The following ACTN2 variants were observed in gnomAD, a reference collection of about 807,000 sequenced individuals.
ACTN2 encodes the protein alpha-actinin-2.
A neutral mutation model predicts 113.8 loss-of-function variants in ACTN2; 39 were observed. That is an observed-to-expected ratio of 0.34 (90% confidence interval 0.27 to 0.45). The LOEUF (loss-of-function observed/expected upper bound fraction) is 0.45. ACTN2 is among the 20% of genes least tolerant of loss of function. ACTN2 has a pLI of 1.00. For missense variants in ACTN2, 992 were observed against 1,177.9 expected, an observed-to-expected ratio of 0.84 and a Z score of 2.31; for synonymous variants, 429 against 444.1, an observed-to-expected ratio of 0.97 and a Z score of 0.43.
At chr1:236,737,297 G>GTATGTATATATATATATATATATATA in intron 9 of ACTN2, 83 bp downstream of exon 9, 6 of 322,240 alleles carry the variant, frequency 1.9e-5, no homozygotes, top group East Asian at 5.8e-5. Flanking sequence ...CTCCGTGGGG[G>GTATGTATATATATATATATATATATA]CATATATATA....
intron 14 of ACTN2, among the ~76,000 whole-genome samples, chr1:236,751,076 C>A (rs182807472): frequency 9.2e-6 from 1 of 108,510 alleles, no homozygotes; most frequent in Non-Finnish European, 1.7e-5. Context: ...AGTGACCTAG[C>A]GAGACCCTGT....
At chr1:236,707,066 A>G (rs1657846422) in intron 1 of ACTN2, among the ~76,000 whole-genome samples, 1 of 152,258 alleles carries the variant, frequency 6.6e-6, no homozygotes, top group Non-Finnish European at 1.5e-5. Flanking sequence ...GACATGGTGT[A>G]TTATGAACCA....
rs1665873954 is a variant in ACTN2 at position 236,686,587 on chromosome 1, G to A, written c.-87G>A. 4 of 1,379,642 alleles carry A rather than the reference G, an allele frequency of 2.9e-6. No homozygotes were observed. The highest frequency in any genetic ancestry group is 3.7e-5 in the Admixed American group (1 of 27,280). 85.5% of individuals were successfully genotyped at this position (1,379,642 alleles called of 1,614,324 possible). A position where few individuals can be genotyped will look rare whatever the true frequency, so the allele number is the denominator to read the frequency against. Reference sequence around the variant, plus strand: ...GGTCACCCCGCGCCCGCCGCCCGCCGCCCGCCGCCTCCGTGGGTCCGTTTG... The same window carrying A: ...GGTCACCCCGCGCCCGCCGCCCGCCACCCGCCGCCTCCGTGGGTCCGTTTG... On this transcript the variant is annotated 5_prime_UTR_variant, in exon 1 of 21. Coordinates refer to ENST00000366578, the MANE Select transcript of ACTN2 (RefSeq NM_001103.4).
intron 10 of ACTN2, among the ~76,000 whole-genome samples, chr1:236,742,388 A>G (rs988543549): frequency 1.3e-5 from 2 of 152,046 alleles, no homozygotes; most frequent in Admixed American, 6.6e-5. Flanking sequence ...TGGCTGAACA[A>G]TTCACCCCAG....
chr1:236,750,718 C>T (rs1277013003), intron 14 of ACTN2, among the ~76,000 whole-genome samples: 3 of 152,054 alleles, frequency 2.0e-5, no homozygotes, highest in Non-Finnish European at 4.4e-5. Flanking sequence ...GATGTACTTC[C>T]TGGTTTTCTT....
intron 7 of ACTN2, among the ~76,000 whole-genome samples, chr1:236,733,121 T>G (rs1658759141): frequency 1.3e-5 from 2 of 152,254 alleles, no homozygotes; most frequent in African/African-American, 4.8e-5. Context: ...TCTTTTTCCA[T>G]CTGTCCTAAG....
chr1:236,695,346 CCAGCATGGGAGA>C (rs1247384889), intron 1 of ACTN2, among the ~76,000 whole-genome samples: 1 of 147,500 alleles, frequency 6.8e-6, no homozygotes, highest in Non-Finnish European at 1.5e-5. Context: ...CCACTGCACC[CCAGCATGGGAGA>C]CAGAGTGAGA....
chr1:236,696,450 G>A (rs1000798205), intron 1 of ACTN2, among the ~76,000 whole-genome samples: 11 of 152,226 alleles, frequency 7.2e-5, no homozygotes, highest in African/African-American at 2.6e-4. Context: ...CTAAAGTCAT[G>A]TGGAGTCTTT....
chr1:236,747,003 G>C (rs16834325), intron 12 of ACTN2, among the ~76,000 whole-genome samples: 1 of 152,102 alleles, frequency 6.6e-6, no homozygotes, highest in African/African-American at 2.4e-5. Context: ...ACAATGTGGC[G>C]CAGGCTGACT....
intron 1 of ACTN2, among the ~76,000 whole-genome samples, chr1:236,712,568 G>A (rs1347652200): frequency 6.6e-6 from 1 of 152,166 alleles, no homozygotes; most frequent in East Asian, 1.9e-4. Flanking sequence ...GCTGAGGTGG[G>A]AGGATCGCTG....
At chr1:236,726,110 C>G (rs1658542890) in intron 5 of ACTN2, 90 bp downstream of exon 5, 2 of 1,199,764 alleles carry the variant, frequency 1.7e-6, no homozygotes, top group African/African-American at 3.0e-5. Context: ...GTGTTTTCCT[C>G]CTGTCTGAGA....
At chr1:236,725,843 C>G in intron 4 of ACTN2, 90 bp from the exon 5 acceptor site, 1 of 1,166,142 alleles carries the variant, frequency 8.6e-7, no homozygotes, top group Non-Finnish European at 1.3e-6. Context: ...GGTGATCGAC[C>G]CCCTGGGAGG....
At position 236,704,438 on chromosome 1, in the gene ACTN2, C is replaced by T. The variant is rs543580505; in HGVS notation, c.127-13420C>T. On this transcript the variant is annotated intron_variant, in intron 1 of 20. Transcript: ENST00000366578. ...GACACTGTCCGTTTGGTGATAGCACCGGATCCCACAGGTTGAGGGCTCAGT... is the reference window on the plus strand; with the variant it reads ...GACACTGTCCGTTTGGTGATAGCACTGGATCCCACAGGTTGAGGGCTCAGT... Among the ~76,000 whole-genome samples, 376 of 152,220 alleles carry T rather than the reference C, an allele frequency of 2.5e-3. 1 individual carries two copies. The highest frequency in any genetic ancestry group is 8.5e-3 in the African/African-American group (352 of 41,526).
intron 18 of ACTN2, 127 bp downstream of exon 18, chr1:236,757,759 G>A (rs538557190): frequency 7.5e-7 from 1 of 1,335,650 alleles, no homozygotes; most frequent in East Asian, 2.4e-5. Context: ...GATAGTTAAT[G>A]ACAAAAGAAA....
At chr1:236,748,702 G>A (rs945508113) in intron 13 of ACTN2, among the ~76,000 whole-genome samples, 1 of 152,170 alleles carries the variant, frequency 6.6e-6, no homozygotes, top group African/African-American at 2.4e-5. Context: ...TTTGGGAAAG[G>A]CACACAACTT....
intron 14 of ACTN2, among the ~76,000 whole-genome samples, chr1:236,749,892 GA>G (rs1308225002): frequency 6.6e-6 from 1 of 152,146 alleles, no homozygotes; most frequent in Non-Finnish European, 1.5e-5. Flanking sequence ...AGTTATTCAT[GA>G]AAAAGTTGTA....
rs111796062 is a variant in ACTN2, at chr1:236,762,458, C to T, written c.2527-3C>T. The T allele has an allele frequency of 5.0e-6, 8 of 1,614,006 alleles. No homozygotes were observed. Among genetic ancestry groups the T allele is most frequent in the Non-Finnish European group, 6.8e-6 (8 of 1,179,946 alleles). On this transcript the variant is annotated splice_polypyrimidine_tract_variant and splice_region_variant and intron_variant, in intron 20 of 20. Transcript: ENST00000366578. ...CTGCAAACACGTGTGTATTTTTTCC[C>T]AGCCATACATCCTGGCGGAGGAGCT...
rs886596301 is a variant in ACTN2, at chr1:236,763,764, T to C, written c.*1145T>C. 2 of 152,222 alleles carry C rather than the reference T, an allele frequency of 1.3e-5. No homozygotes were observed. Among genetic ancestry groups the C allele is most frequent in the Non-Finnish European group, 2.9e-5 (2 of 68,048 alleles). 9.4% of individuals were successfully genotyped at this position (152,222 alleles called of 1,614,324 possible). A position where few individuals can be genotyped will look rare whatever the true frequency, so the allele number is the denominator to read the frequency against. On this transcript the variant is annotated 3_prime_UTR_variant, in exon 21 of 21. Transcript: ENST00000366578. ...GGACAGTGTATCCTAACAAGTCCCA[T>C]GTCTGGTTCTGTGTCTAAAGGCCTG...
intron 5 of ACTN2, among the ~76,000 whole-genome samples, chr1:236,726,796 G>A (rs1658562100): frequency 1.3e-5 from 2 of 152,248 alleles, no homozygotes; most frequent in Admixed American, 1.3e-4. Context: ...CAAAGGGGAA[G>A]AGAATCCTTC....
Sources: allele counts gnomAD v4.1 joint callset (sites outside exome capture counted in the v4.1 genomes callset), GRCh38; gene constraint gnomAD v4.1.1; transcripts MANE v1.5; gene names NCBI Gene and HGNC (gene_info 2026-07-23, HGNC 2026-07-21).